Variants in METTL9 observed in about 807,000 individuals in gnomAD.
METTL9 encodes the protein methyltransferase 9, His-X-His N1(pi)-histidine.
Under a neutral mutation model 36.0 loss-of-function variants are expected in METTL9, and 10 were observed. The observed-to-expected ratio is 0.28, with a 90% confidence interval of 0.17 to 0.47. The LOEUF (loss-of-function observed/expected upper bound fraction) is 0.47. Among genes scored for constraint, METTL9 ranks in the 20% least tolerant of loss-of-function variants. The pLI, the probability that METTL9 is intolerant of heterozygous loss-of-function variation, is 0.99. For synonymous variants in METTL9, 175 were observed against 149.7 expected (o/e 1.17, Z -1.23); for missense variants, 246 against 383.5 (o/e 0.64, Z 3.00).
At chr16:21,617,721 CT>C in intron 2 of METTL9, 143 bp from the exon 3 acceptor site, 1 of 695,618 alleles carries the variant, frequency 1.4e-6, no homozygotes, top group Non-Finnish European at 2.4e-6. Flanking sequence ...AGAGTGAGAC[CT>C]TGTCTAAAAA....
upstream of METTL9, chr16:21,599,494 C>G (rs1033843715): frequency 1.2e-5 from 15 of 1,209,850 alleles, 1 homozygote; most frequent in Non-Finnish European, 1.4e-5. This position sits in a 1 kb window ranked among gnomAD's most constrained non-coding sequence, Gnocchi z 4.4. Flanking sequence ...GTAAGTGCTC[C>G]GGATGGAAAC....
intron 3 of METTL9, among the ~76,000 whole-genome samples, chr16:21,620,568 C>T (rs998397722): frequency 5.9e-5 from 9 of 152,230 alleles, no homozygotes; most frequent in Admixed American, 2.6e-4. Context: ...AGGGAAACTT[C>T]AGATGTTTGA....
intron 4 of METTL9, among the ~76,000 whole-genome samples, chr16:21,639,017 C>T (rs957378846): frequency 6.6e-6 from 1 of 152,160 alleles, no homozygotes; most frequent in African/African-American, 2.4e-5. Flanking sequence ...ACTGAAATCT[C>T]TGAAACTGCT....
chr16:21,632,181 G>T (rs545031859), intron 4 of METTL9, among the ~76,000 whole-genome samples: 2 of 152,190 alleles, frequency 1.3e-5, no homozygotes, highest in East Asian at 3.9e-4. Context: ...TATTTAATGG[G>T]GGTTCCCCCC....
intron 4 of METTL9, among the ~76,000 whole-genome samples, chr16:21,628,281 A>G (rs555388272): frequency 3.3e-5 from 5 of 152,158 alleles, no homozygotes; most frequent in Non-Finnish European, 7.3e-5. Context: ...AAACATGGCC[A>G]TTATTGAAAT....
At chr16:21,615,850 A>C (rs1354920037) in intron 2 of METTL9, among the ~76,000 whole-genome samples, 1 of 152,184 alleles carries the variant, frequency 6.6e-6, no homozygotes, top group Non-Finnish European at 1.5e-5. Context: ...TTCTTACTGT[A>C]ATATATGAAC....
Position 21,655,579 on chromosome 16 carries a change from T to G in METTL9, c.*147T>G. 1.5e-6 allele frequency: 1 copy of G among 687,202 alleles called. No homozygotes were observed. Among genetic ancestry groups the G allele is most frequent in the South Asian group, 2.0e-5 (1 of 49,368 alleles). 42.6% of individuals were successfully genotyped at this position (687,202 alleles called of 1,614,324 possible). On this transcript the variant is annotated 3_prime_UTR_variant, in exon 5 of 5. Coordinates refer to ENST00000358154, the MANE Select transcript of METTL9 (RefSeq NM_016025.5). ...GGAATTTAAAAAGCCAAAATACTAA[T>G]TATTTCTTTGTAGTGTGTAAAGGAA...
intron 4 of METTL9, chr16:21,643,744 C>G (rs1966341076): frequency 1.7e-6 from 1 of 594,270 alleles, no homozygotes; most frequent in Non-Finnish European, 2.9e-6. Context: ...TTTTGAGATG[C>G]TTTTACTCCA....
chr16:21,600,020 C>T, intron 1 of METTL9, 122 bp downstream of exon 1: 1 of 911,370 alleles, frequency 1.1e-6, no homozygotes, highest in African/African-American at 1.8e-5. Context: ...TCCGCCTCGG[C>T]CCCTTGGAAA....
intron 4 of METTL9, among the ~76,000 whole-genome samples, chr16:21,631,226 T>C (rs1316454232): frequency 6.6e-6 from 1 of 152,212 alleles, no homozygotes; most frequent in African/African-American, 2.4e-5. Flanking sequence ...GTATTAGTTG[T>C]ATGGCTCTGT....
At chr16:21,611,785 C>T (rs2152893620) in intron 1 of METTL9, among the ~76,000 whole-genome samples, 1 of 152,244 alleles carries the variant, frequency 6.6e-6, no homozygotes, top group South Asian at 2.1e-4. Flanking sequence ...GATTGTGGGG[C>T]TGACGCTAAA....
chr16:21,599,453 G>A, upstream of METTL9: 2 of 1,148,894 alleles, frequency 1.7e-6, no homozygotes, highest in South Asian at 3.4e-5. This position sits in a 1 kb window ranked among gnomAD's most constrained non-coding sequence, Gnocchi z 4.4. Flanking sequence ...ACGGAGGGAG[G>A]GCGCCGGGGG....
At chr16:21,630,352 C>G (rs1282767344) in intron 4 of METTL9, among the ~76,000 whole-genome samples, 1 of 152,250 alleles carries the variant, frequency 6.6e-6, no homozygotes, top group Non-Finnish European at 1.5e-5. Context: ...TCCCTGTGAG[C>G]AGAGGGAGCC....
upstream of METTL9, chr16:21,597,368 C>T: frequency 9.7e-7 from 1 of 1,035,222 alleles, no homozygotes; most frequent in South Asian, 1.3e-5. Flanking sequence ...CTGGTTTCTT[C>T]CTGTGCCTGC....
chr16:21,641,529 C>T (rs374066910), intron 4 of METTL9: 60 of 1,561,834 alleles, frequency 3.8e-5, no homozygotes, highest in Non-Finnish European at 4.8e-5. Flanking sequence ...AAAATTAAAA[C>T]GTTTCTATGG....
At chr16:21,628,219 G>A (rs188925447) in intron 4 of METTL9, among the ~76,000 whole-genome samples, 97 of 152,236 alleles carry the variant, frequency 6.4e-4, no homozygotes, top group African/African-American at 2.2e-3. Flanking sequence ...GCGTGGACTG[G>A]TTCATGAGAG....
In METTL9 at chr16:21,656,259, C is replaced by G. The variant is rs896725483; in HGVS notation, c.*827C>G. 5 of 145,808 alleles carry G rather than the reference C, an allele frequency of 3.4e-5. No homozygotes were observed. The highest frequency in any genetic ancestry group is 1.3e-4 in the African/African-American group (5 of 39,342). The allele number at this position is 145,808 out of a possible 1,614,324, so 9.0% of individuals were successfully genotyped here. A position where few individuals can be genotyped will look rare whatever the true frequency, so the allele number is the denominator to read the frequency against. Reference sequence around the variant, plus strand: ...ACTTTGTGATCACTCATGTCCCATACACTGAACTTTGTTTTTTTCTGGACA... The same window carrying G: ...ACTTTGTGATCACTCATGTCCCATAGACTGAACTTTGTTTTTTTCTGGACA... On this transcript the variant is annotated 3_prime_UTR_variant, in exon 5 of 5. Transcript: ENST00000358154.
At chr16:21,631,163 A>G (rs1965951257) in intron 4 of METTL9, among the ~76,000 whole-genome samples, 1 of 152,148 alleles carries the variant, frequency 6.6e-6, no homozygotes, top group South Asian at 2.1e-4. Flanking sequence ...AAGTAGATAA[A>G]CTGGCTATTC....
Position 21,599,752 on chromosome 16 carries a change from T to A in METTL9, c.19T>A (p.Trp7Arg). Reference sequence around the variant, plus strand: ...GCCCCCGATGAGACTGCTGGCGGGCTGGCTGTGCCTGAGCCTGGCGTCCGT... The same window carrying A: ...GCCCCCGATGAGACTGCTGGCGGGCAGGCTGTGCCTGAGCCTGGCGTCCGT... MRLLAG[W>R]LCLSLASVWL... The change falls in exon 1 of 5, where the codon TGG (tryptophan) becomes AGG (arginine). Residue 7 changes from tryptophan (W) to arginine (R), a missense_variant. Coordinates refer to ENST00000358154, the MANE Select transcript of METTL9 (RefSeq NM_016025.5). This position sits in a 1 kb window ranked among gnomAD's most constrained non-coding sequence, Gnocchi z 4.4. 1 of 1,527,636 alleles carries A rather than the reference T, an allele frequency of 6.5e-7. No homozygotes were observed. Among genetic ancestry groups the A allele is most frequent in the Non-Finnish European group, 8.7e-7 (1 of 1,145,544 alleles). 94.6% of individuals were successfully genotyped at this position (1,527,636 alleles called of 1,614,324 possible).
Sources: allele counts gnomAD v4.1 joint callset (sites outside exome capture counted in the v4.1 genomes callset), GRCh38; gene constraint gnomAD v4.1.1; non-coding constraint Gnocchi (gnomAD v3.1); transcripts MANE v1.5; gene names NCBI Gene and HGNC (gene_info 2026-07-23, HGNC 2026-07-21).